SEMA4D: variants seen among roughly 807,000 people sequenced by gnomAD.
The protein encoded by SEMA4D is semaphorin 4D, also known as semaphorin-4D.
A neutral mutation model predicts 74.8 loss-of-function variants in SEMA4D; 22 were observed. The ratio of observed to expected loss-of-function variants is 0.29; its 90% CI spans 0.21 to 0.42. The LOEUF is 0.42. Ranked by LOEUF, SEMA4D falls within the 10% of genes least tolerant of loss-of-function variation. The pLI, the probability that SEMA4D is intolerant of heterozygous loss-of-function variation, is 1.00. For synonymous variants in SEMA4D, 445 were observed against 463.7 expected (o/e 0.96, Z 0.52); for missense variants, 937 against 1,118.4 (o/e 0.84, Z 2.31).
chr9:89,412,912 A>T (rs1334875845), intron 2 of SEMA4D, among the ~76,000 whole-genome samples: 1 of 152,112 alleles, frequency 6.6e-6, no homozygotes, highest in Non-Finnish European at 1.5e-5. Flanking sequence ...ACCACAACTC[A>T]CACAGATCTG....
intron 2 of SEMA4D, among the ~76,000 whole-genome samples, chr9:89,447,033 C>G (rs13292725): frequency 0.17 from 26,428 of 152,100 alleles, 2,744 homozygotes; most frequent in Middle Eastern, 0.27. Context: ...TCTCATCTCC[C>G]AGGCCCAGAC....
intron 3 of SEMA4D, among the ~76,000 whole-genome samples, chr9:89,405,105 G>C (rs1843050973): frequency 6.7e-6 from 1 of 148,636 alleles, no homozygotes; most frequent in South Asian, 2.2e-4. Flanking sequence ...AGCATTCCAG[G>C]AAGTGGGGTC....
chr9:89,455,388 G>A (rs989011595), intron 2 of SEMA4D, among the ~76,000 whole-genome samples: 1 of 152,238 alleles, frequency 6.6e-6, no homozygotes, highest in Non-Finnish European at 1.5e-5. Context: ...GGCATGGGGG[G>A]TGTGAGTTAG....
chr9:89,468,508 T>C (rs150495284), intron 1 of SEMA4D, among the ~76,000 whole-genome samples: 1 of 152,338 alleles, frequency 6.6e-6, no homozygotes, highest in African/African-American at 2.4e-5. Flanking sequence ...GGCAAAGCAA[T>C]CTCTGCTTAA....
intron 1 of SEMA4D, among the ~76,000 whole-genome samples, chr9:89,487,783 A>G (rs960421889): frequency 6.6e-6 from 1 of 152,362 alleles, no homozygotes; most frequent in Admixed American, 6.5e-5. Context: ...AATACTTATG[A>G]GTAAATCTGA....
chr9:89,384,546 C>T (rs1163810202), intron 13 of SEMA4D: 2 of 547,120 alleles, frequency 3.7e-6, no homozygotes, highest in Non-Finnish European at 4.7e-6. Flanking sequence ...GAAAAGCACC[C>T]TGCAGACAGA....
At chr9:89,480,563 G>A (rs1346714583) in intron 1 of SEMA4D, among the ~76,000 whole-genome samples, 5 of 152,252 alleles carry the variant, frequency 3.3e-5, no homozygotes, top group Non-Finnish European at 7.3e-5. Flanking sequence ...GCCCTGCCCC[G>A]TGGGAAGGCA....
At chr9:89,453,624 C>T (rs957022260) in intron 2 of SEMA4D, among the ~76,000 whole-genome samples, 4 of 152,182 alleles carry the variant, frequency 2.6e-5, no homozygotes, top group Non-Finnish European at 4.4e-5. Flanking sequence ...CATCTGGTCG[C>T]GGCCCTCGCT....
At chr9:89,455,648 C>T (rs1302964141) in intron 2 of SEMA4D, among the ~76,000 whole-genome samples, 2 of 152,198 alleles carry the variant, frequency 1.3e-5, no homozygotes, top group African/African-American at 4.8e-5. Flanking sequence ...CTGCCCCACC[C>T]ACTCTGACTT....
At chr9:89,368,559 C>T (rs921846395) in intron 16 of SEMA4D, 1 of 152,416 alleles carries the variant, frequency 6.6e-6, no homozygotes. Context: ...GTCATCCTTT[C>T]TGTCCTCTGT....
intron 2 of SEMA4D, among the ~76,000 whole-genome samples, chr9:89,406,623 C>T (rs1327356766): frequency 6.6e-6 from 1 of 152,238 alleles, no homozygotes; most frequent in Non-Finnish European, 1.5e-5. Flanking sequence ...CCTGGGTTCA[C>T]TCTATGAGAA....
intron 1 of SEMA4D, chr9:89,472,529 G>A (rs1482411408): frequency 1.9e-5 from 5 of 260,016 alleles, no homozygotes; most frequent in East Asian, 2.1e-4. Context: ...CAGTCCTAAC[G>A]ACATGGTGGA....
chr9:89,491,587 A>AACAACAACC (rs1825633905), intron 1 of SEMA4D, among the ~76,000 whole-genome samples: 1 of 151,812 alleles, frequency 6.6e-6, no homozygotes, highest in Non-Finnish European at 1.5e-5. Context: ...CAACAACAAC[A>AACAACAACC]ACAACAACAA....
Position 89,382,756 on chromosome 9 carries a change from T to A in SEMA4D, c.1447-1410A>T, listed in dbSNP as rs187736278. On this transcript the variant is annotated intron_variant, in intron 13 of 15. Coordinates refer to ENST00000422704, the MANE Select transcript of SEMA4D (RefSeq NM_001371194.2). ...TGGGTAACTTCCAAGGGACAGCTGG[T>A]CCTGTTGGGTCCCGCGGGGGGCACC... Among the ~76,000 whole-genome samples the A allele has an allele frequency of 2.8e-4, 43 of 152,288 alleles. No homozygotes were observed. In the East Asian group the frequency reaches 6.8e-3, roughly 24 times the overall value.
intron 2 of SEMA4D, among the ~76,000 whole-genome samples, chr9:89,444,506 C>T (rs1308135213): frequency 6.6e-6 from 1 of 152,150 alleles, no homozygotes; most frequent in Non-Finnish European, 1.5e-5. Context: ...CAGACGGAAC[C>T]CAGTTTACAT....
chr9:89,385,519 G>A (rs1315023579), intron 13 of SEMA4D: 2 of 985,268 alleles, frequency 2.0e-6, no homozygotes, highest in African/African-American at 1.7e-5. Context: ...ACAGATGCCA[G>A]TACCCAGTGG....
At chr9:89,418,169 C>T in intron 2 of SEMA4D, 1 of 887,422 alleles carries the variant, frequency 1.1e-6, no homozygotes. Flanking sequence ...ACTGTGCATC[C>T]ACTTAAACTC....
At chr9:89,419,519 G>A (rs925145871) in intron 2 of SEMA4D, among the ~76,000 whole-genome samples, 5 of 152,166 alleles carry the variant, frequency 3.3e-5, no homozygotes, top group African/African-American at 1.2e-4. Context: ...GACAGTGGCC[G>A]CCCAGAGACT....
chr9:89,382,041 G>C (rs1837217777), intron 13 of SEMA4D, among the ~76,000 whole-genome samples: 1 of 152,244 alleles, frequency 6.6e-6, no homozygotes, highest in Non-Finnish European at 1.5e-5. Flanking sequence ...CCACAGCAGA[G>C]GGCAGGTGAG....
Sources: gnomAD v4.1 joint callset for allele counts (sites outside exome capture counted in the v4.1 genomes callset) on GRCh38, gnomAD v4.1.1 for gene constraint, MANE v1.5 for transcripts, NCBI Gene and HGNC (gene_info 2026-07-23, HGNC 2026-07-21) for gene names.